VWF: variants seen among roughly 807,000 people sequenced by gnomAD.
The protein encoded by VWF is von Willebrand factor.
VWF carries 176 observed loss-of-function variants against 308.6 expected under a neutral mutation model. The ratio of observed to expected loss-of-function variants is 0.57; its 90% confidence interval spans 0.50 to 0.65. VWF has a LOEUF of 0.65. Ranked by LOEUF, VWF falls within the 30% of genes least tolerant of loss-of-function variation. The pLI is 0.00. For synonymous variants in VWF, 1,385 were observed against 1,443.4 expected, an observed-to-expected ratio of 0.96 and a Z score of 0.92; for missense variants, 3,146 against 3,648.2, an observed-to-expected ratio of 0.86 and a Z score of 3.55.
chr12:6,109,405 A>G (rs952358822), intron 5 of VWF, among the ~76,000 whole-genome samples: 1 of 152,216 alleles, frequency 6.6e-6, no homozygotes, highest in Admixed American at 6.6e-5. Flanking sequence ...CTAAATGTAC[A>G]TATCAGACAA....
At chr12:6,122,086 T>C (rs1945438585) in intron 2 of VWF, among the ~76,000 whole-genome samples, 1 of 152,226 alleles carries the variant, frequency 6.6e-6, no homozygotes, top group South Asian at 2.1e-4. Flanking sequence ...TATAAATTGG[T>C]GACCAACTTG....
In VWF at chr12:6,017,069, G is replaced by A. The variant is rs549318316; in HGVS notation, c.5054-199C>T. 1.1e-4 allele frequency among the ~76,000 whole-genome samples: 16 copies of A among 152,312 alleles called. 1 individual carries two copies. Among genetic ancestry groups the A allele is most frequent in the East Asian group, 3.9e-4 (2 of 5,186 alleles). ...ATGGGGAGATGGAGTTCCTGGGTCCGGACTACCTCAGATTTAGAGACACTG... is the reference window on the plus strand; with the variant it reads ...ATGGGGAGATGGAGTTCCTGGGTCCAGACTACCTCAGATTTAGAGACACTG... On this transcript the variant is annotated intron_variant, in intron 28 of 51. Coordinates refer to ENST00000261405, the MANE Select transcript of VWF (RefSeq NM_000552.5).
At chr12:6,086,574 GA>G (rs1565384166) in intron 6 of VWF, among the ~76,000 whole-genome samples, 1 of 152,154 alleles carries the variant, frequency 6.6e-6, no homozygotes, top group Non-Finnish European at 1.5e-5. Context: ...CAGTCTCCAA[GA>G]AAAGTCCATT....
chr12:6,121,006 G>A (rs1945425022), intron 3 of VWF, among the ~76,000 whole-genome samples, 168 bp downstream of exon 3: 1 of 152,282 alleles, frequency 6.6e-6, no homozygotes, highest in South Asian at 2.1e-4. Context: ...AGAGACCCGG[G>A]GAAAGCCAAG....
chr12:6,046,635 G>T lies in VWF; in HGVS notation c.2281+88C>A. ...GCCTGGGTGCACACGCACATCTGACGGTGTCACCCAGCTCTCTCCCGCCAT... is the reference window on the plus strand; with the variant it reads ...GCCTGGGTGCACACGCACATCTGACTGTGTCACCCAGCTCTCTCCCGCCAT... On this transcript the variant is annotated intron_variant, in intron 17 of 51. Coordinates refer to ENST00000261405, the MANE Select transcript of VWF (RefSeq NM_000552.5). This position sits in a 1 kb window ranked among gnomAD's most constrained non-coding sequence, Gnocchi z 5.0. 7.7e-7 allele frequency: 1 copy of T among 1,307,122 alleles called. No individual in the cohort carries two copies. The highest frequency in any genetic ancestry group is 1.1e-6 in the Non-Finnish European group (1 of 903,040). 81.0% of individuals were successfully genotyped at this position (1,307,122 alleles called of 1,614,324 possible). A position where few individuals can be genotyped will look rare whatever the true frequency, so the allele number is the denominator to read the frequency against.
Position 6,026,046 on chromosome 12 carries a change from C to A in VWF, c.2968G>T (p.Glu990Ter). The A allele has an allele frequency of 6.2e-7, 1 of 1,613,952 alleles. No individual in the cohort carries two copies. The change falls in exon 23 of 52, where the codon GAG becomes TAG. Residue 990 changes from glutamate (E) to a stop codon, truncating the protein, a stop_gained and splice_region_variant. Transcript: ENST00000261405. LOFTEE classifies it high-confidence loss of function. ...ISVVLKQTYQ[E>*]KVCGLCGNFD... ...TTCCCACACAGGCCACACACTTTCT[C>A]CTTGAGAGACAAGTTGAGGGATGAG...
Position 6,075,419 on chromosome 12 carries a change from C to A in VWF, c.790G>T (p.Ala264Ser). The change falls in exon 7 of 52, where the codon GCC becomes TCC. Residue 264 changes from alanine (A) to serine (S), a missense_variant. Physicochemically the swap from Ala to Ser is moderately conservative, Grantham distance 99. This residue lies in a region of VWF where 1,304 missense variants were observed against 1,353.0 expected (regional missense o/e 0.96). Coordinates refer to ENST00000261405, the MANE Select transcript of VWF (RefSeq NM_000552.5). The surrounding 1 kb of genome is among the most constrained non-coding windows in gnomAD (Gnocchi z 4.7). ...LCECAGGLEC[A>S]CPALLEYART... ...GCGTACTCCAGGAGGGCAGGGCAGGCGCACTCCAGCCCCCCAGCACACTCA... is the reference window on the plus strand; with the variant it reads ...GCGTACTCCAGGAGGGCAGGGCAGGAGCACTCCAGCCCCCCAGCACACTCA... The A allele has an allele frequency of 6.2e-7, 1 of 1,614,178 alleles. No individual in the cohort carries two copies.
At position 6,057,944 on chromosome 12, in the gene VWF, CG is replaced by C; in HGVS notation, c.1633del (p.Arg545GlyfsTer32). On this transcript the variant is annotated frameshift_variant, in exon 14 of 52. Transcript: ENST00000261405. LOFTEE classifies it high-confidence loss of function. The part of the protein sequence containing the change: ...FLTPSGLAEP[R>X]VEDFGNAWKL... The stretch of plus-strand genomic sequence containing the variant: ...CCAGGCGTTCCCGAAGTCCTCCACC[CG>C]GGGCTCCGCCAGCCCAGAGGGGGTA... 1 of 1,613,722 alleles carries C rather than the reference CG, an allele frequency of 6.2e-7. No homozygotes were observed.
intron 14 of VWF, among the ~76,000 whole-genome samples, chr12:6,057,480 T>TTTATTA (rs10667650): frequency 0.16 from 20,876 of 129,260 alleles, 1,737 homozygotes; most frequent in East Asian, 0.25. Context: ...GCCCGGCAAA[T>TTTATTA]TTATTATTAT....
intron 13 of VWF, among the ~76,000 whole-genome samples, chr12:6,062,699 A>T (rs1944667986): frequency 1.3e-5 from 2 of 151,922 alleles, no homozygotes; most frequent in African/African-American, 4.8e-5. Flanking sequence ...CCCCAGCCCC[A>T]CAAGAGCCCA....
intron 34 of VWF, among the ~76,000 whole-genome samples, chr12:6,006,824 C>T (rs1473475371): frequency 1.3e-5 from 2 of 152,108 alleles, no homozygotes; most frequent in African/African-American, 2.4e-5. Context: ...CAAGATCCAA[C>T]TATGTGCTGT....
Position 5,969,385 on chromosome 12 carries a change from A to G in VWF, c.7555T>C (p.Ser2519Pro), listed in dbSNP as rs1347031870. Residue 2519 changes from serine (S) to proline (P), a missense_variant, in exon 45 of 52, where the codon TCC (serine) becomes CCC (proline). Transcript: ENST00000261405. ...GGGTTCTCCGGGGAGGCCCACTGGG[A>G]GCCGACCTGCAGGGCACCAGAGTTA... Reference protein sequence around the residue: ...DSQSSWKSVGSQWASPENPCL... With the variant: ...DSQSSWKSVGPQWASPENPCL... The G allele has an allele frequency of 1.9e-6, 3 of 1,614,218 alleles. No homozygotes were observed. The highest frequency in any genetic ancestry group is 2.5e-6 in the Non-Finnish European group (3 of 1,180,034).
chr12:5,993,203 G>A (rs1943764486), intron 37 of VWF, among the ~76,000 whole-genome samples: 2 of 152,152 alleles, frequency 1.3e-5, no homozygotes, highest in Non-Finnish European at 1.5e-5. Context: ...TGATGACTGA[G>A]GGTTTCAAGT....
intron 42 of VWF, among the ~76,000 whole-genome samples, chr12:5,980,171 G>GAGGT (rs1943587404): frequency 2.2e-5 from 1 of 44,468 alleles, no homozygotes; most frequent in Non-Finnish European, 5.5e-5. Flanking sequence ...GGGAGGGAGG[G>GAGGT]AGGGAGGGAG....
intron 13 of VWF, among the ~76,000 whole-genome samples, chr12:6,062,576 G>C (rs573253329): frequency 6.6e-6 from 1 of 152,136 alleles, no homozygotes; most frequent in African/African-American, 2.4e-5. Context: ...CTTTCTCTTA[G>C]CTGAGAGTGC....
chr12:6,045,046 A>G (rs1944434134), intron 17 of VWF, among the ~76,000 whole-genome samples: 2 of 152,126 alleles, frequency 1.3e-5, no homozygotes, highest in Non-Finnish European at 2.9e-5. Context: ...CTGATATACT[A>G]CACATCTCAC....
chr12:5,983,630 TATAGA>T (rs1375397583), intron 40 of VWF, among the ~76,000 whole-genome samples: 22 of 151,782 alleles, frequency 1.4e-4, no homozygotes, highest in Non-Finnish European at 3.1e-4. Flanking sequence ...GACAGATAGA[TATAGA>T]ATAGATGATA....
chr12:6,120,567 T>A (rs1194670054), intron 3 of VWF, among the ~76,000 whole-genome samples: 2 of 152,144 alleles, frequency 1.3e-5, no homozygotes, highest in Non-Finnish European at 2.9e-5. Context: ...CCTCCCAAAG[T>A]ACTGGGATTA....
chr12:6,004,907 T>C (rs917895584), intron 34 of VWF, among the ~76,000 whole-genome samples: 2 of 152,158 alleles, frequency 1.3e-5, no homozygotes, highest in Non-Finnish European at 2.9e-5. Context: ...AAAACACTTC[T>C]AGAAGACAGA....
Sources: gnomAD v4.1 joint callset for allele counts (sites outside exome capture counted in the v4.1 genomes callset) on GRCh38, gnomAD v4.1.1 for gene constraint, gnomAD v4.1.1 regional missense constraint, Gnocchi (gnomAD v3.1) non-coding constraint, MANE v1.5 for transcripts, NCBI Gene and HGNC (gene_info 2026-07-23, HGNC 2026-07-21) for gene names.